RBMS3: variants seen among roughly 807,000 people sequenced by gnomAD.
The protein encoded by RBMS3 is RNA binding motif single stranded interacting protein 3, also known as RNA-binding motif, single-stranded-interacting protein 3.
Under a neutral mutation model 66.8 loss-of-function variants are expected in RBMS3, and 27 were observed. That is an observed-to-expected ratio of 0.40 (90% CI 0.30 to 0.56). The LOEUF is 0.56. RBMS3 is among the 20% of genes least tolerant of loss of function. The probability of loss-of-function intolerance (pLI) is 0.40; values close to 1 mark genes in which losing one functional copy is unlikely to be tolerated. For missense variants in RBMS3, 513 were observed against 549.5 expected, an observed-to-expected ratio of 0.93 and a Z score of 0.66; for synonymous variants, 188 against 183.0, an observed-to-expected ratio of 1.03 and a Z score of -0.22.
At chr3:29,939,893 T>A (rs867719807) in intron 11 of RBMS3, among the ~76,000 whole-genome samples, 2 of 151,820 alleles carry the variant, frequency 1.3e-5, no homozygotes, top group South Asian at 2.1e-4. Context: ...CCCTCAGACA[T>A]CTCAAAGTCA....
At chr3:29,866,627 A>G (rs554031739) in intron 6 of RBMS3, among the ~76,000 whole-genome samples, 1 of 152,318 alleles carries the variant, frequency 6.6e-6, no homozygotes, top group African/African-American at 2.4e-5. Flanking sequence ...ATAGTTTTGG[A>G]ATCTCACAGG....
intron 2 of RBMS3, among the ~76,000 whole-genome samples, chr3:29,453,472 C>G (rs879262590): frequency 1.3e-5 from 2 of 152,156 alleles, no homozygotes. Context: ...GTTATTGCAG[C>G]GAATCCGAGC....
intron 1 of RBMS3, among the ~76,000 whole-genome samples, chr3:29,383,576 C>A (rs1051426572): frequency 6.6e-6 from 1 of 152,176 alleles, no homozygotes; most frequent in Admixed American, 6.5e-5. Context: ...TGTGGATGTA[C>A]ACTTGGGAGC....
intron 6 of RBMS3, among the ~76,000 whole-genome samples, chr3:29,837,510 A>G (rs114482099): frequency 0.014 from 2,056 of 151,592 alleles, 43 homozygotes; most frequent in African/African-American, 0.046. Flanking sequence ...CTAGGAATCA[A>G]TATCAGAATC....
chr3:29,347,962 A>C (rs2036678938), intron 1 of RBMS3, among the ~76,000 whole-genome samples: 1 of 152,230 alleles, frequency 6.6e-6, no homozygotes, highest in Non-Finnish European at 1.5e-5. Context: ...GTGCTAATGA[A>C]GTAAACAACA....
intron 2 of RBMS3, among the ~76,000 whole-genome samples, chr3:29,443,576 A>G (rs2041707208): frequency 1.3e-5 from 2 of 152,160 alleles, no homozygotes. Flanking sequence ...TTACAGACAT[A>G]TGTAAGAATT....
In RBMS3 at chr3:29,809,467, T is replaced by C. The variant is rs570275933; in HGVS notation, c.637+46478T>C. On this transcript the variant is annotated intron_variant, in intron 6 of 14. Transcript: ENST00000383767. ...GCATGCACATGTATGTATATCTTTTTATTTTAGGTGAGACAATAAATCACT... is the reference window on the plus strand; with the variant it reads ...GCATGCACATGTATGTATATCTTTTCATTTTAGGTGAGACAATAAATCACT... 1.3e-4 allele frequency among the ~76,000 whole-genome samples: 20 copies of C among 152,162 alleles called. No individual in the cohort carries two copies. In the South Asian group the frequency reaches 2.9e-3, roughly 22 times the overall value.
At chr3:29,869,008 A>G in intron 7 of RBMS3, 44 bp downstream of exon 7, 2 of 1,491,406 alleles carry the variant, frequency 1.3e-6, no homozygotes, top group Non-Finnish European at 1.8e-6. Flanking sequence ...TTGGCAGTAG[A>G]TATCCCTCAG....
chr3:29,816,311 G>GAC (rs66518208), intron 6 of RBMS3, among the ~76,000 whole-genome samples: 7,494 of 68,954 alleles, frequency 0.11, 235 homozygotes, highest in Non-Finnish European at 0.15. Flanking sequence ...GACACACACA[G>GAC]ACACACACAC....
intron 4 of RBMS3, among the ~76,000 whole-genome samples, chr3:29,735,585 G>C (rs2054343341): frequency 6.6e-6 from 1 of 152,142 alleles, no homozygotes; most frequent in Non-Finnish European, 1.5e-5. Flanking sequence ...ACTGTGTGTA[G>C]AATACTAGCT....
At chr3:29,697,545 T>C (rs1276240315) in intron 4 of RBMS3, among the ~76,000 whole-genome samples, 3 of 152,204 alleles carry the variant, frequency 2.0e-5, no homozygotes, top group African/African-American at 4.8e-5. Flanking sequence ...GGAAGAAACT[T>C]ATTACAGTTT....
rs564284739 is a variant in RBMS3 at position 29,910,804 on chromosome 3, G to A, written c.939+11049G>A. ...ATATAATTTTCATGTGTGTGTTTGTGTATGGCGTGTACGGATTAATCAGGT... is the reference window on the plus strand; with the variant it reads ...ATATAATTTTCATGTGTGTGTTTGTATATGGCGTGTACGGATTAATCAGGT... On this transcript the variant is annotated intron_variant, in intron 10 of 14. Coordinates refer to ENST00000383767, the MANE Select transcript of RBMS3 (RefSeq NM_001003793.3). Among the ~76,000 whole-genome samples the A allele has an allele frequency of 2.0e-5, 3 of 151,972 alleles. No individual in the cohort carries two copies. In the East Asian group the frequency reaches 5.8e-4, roughly 29 times the overall value.
chr3:29,711,447 T>TATGA (rs1335939174), intron 4 of RBMS3, among the ~76,000 whole-genome samples: 1 of 152,156 alleles, frequency 6.6e-6, no homozygotes, highest in Non-Finnish European at 1.5e-5. Context: ...TTGGCCTGAG[T>TATGA]ATGAATAACT....
intron 3 of RBMS3, among the ~76,000 whole-genome samples, chr3:29,531,424 G>A (rs147665291): frequency 3.7e-4 from 57 of 152,282 alleles, no homozygotes; most frequent in Admixed American, 1.2e-3. Context: ...ATGACTCCAT[G>A]GTGATGCCAC....
At chr3:29,857,363 A>G (rs555639385) in intron 6 of RBMS3, among the ~76,000 whole-genome samples, 4 of 151,600 alleles carry the variant, frequency 2.6e-5, no homozygotes, top group Admixed American at 1.3e-4. Context: ...ATTCCTCCCT[A>G]TCTACCCCCA....
intron 4 of RBMS3, among the ~76,000 whole-genome samples, chr3:29,692,243 A>G: frequency 6.6e-6 from 1 of 151,934 alleles, no homozygotes; most frequent in East Asian, 1.9e-4. Context: ...TGGCCTCCCA[A>G]AGTGCTAGGA....
intron 1 of RBMS3, among the ~76,000 whole-genome samples, chr3:29,313,343 G>A (rs2034491183): frequency 6.6e-6 from 1 of 151,698 alleles, no homozygotes; most frequent in African/African-American, 2.4e-5. Context: ...ATTGTATTAT[G>A]AAACTCACTG....
chr3:29,701,582 G>GGCGCAGGTGGGAACTGGGGCT (rs2052579342), intron 4 of RBMS3, among the ~76,000 whole-genome samples: 1 of 152,108 alleles, frequency 6.6e-6, no homozygotes, highest in Non-Finnish European at 1.5e-5. Context: ...TGGAGGGAGA[G>GGCGCAGGTGGGAACTGGGGCT]GCGCAGGTGG....
rs553131381 is a variant in RBMS3 at position 29,530,075 on chromosome 3, C to T, written c.307+41576C>T. ...TTTGCATTCCCTCTGCTAGGCATCC[C>T]CTGCCGTACACACTCTGGGAACTTG... On this transcript the variant is annotated intron_variant, in intron 3 of 14. Transcript: ENST00000383767. 5.3e-5 allele frequency among the ~76,000 whole-genome samples: 8 copies of T among 152,208 alleles called. No homozygotes were observed. The South Asian group carries it at 1.7e-3, about 32-fold the overall frequency.
Sources: gnomAD v4.1 joint callset for allele counts (sites outside exome capture counted in the v4.1 genomes callset) on GRCh38, gnomAD v4.1.1 for gene constraint, MANE v1.5 for transcripts, NCBI Gene and HGNC (gene_info 2026-07-23, HGNC 2026-07-21) for gene names.